Variants in IFT80 observed in about 807,000 individuals in gnomAD.
The protein encoded by IFT80 is intraflagellar transport 80.
IFT80 carries 79 observed loss-of-function variants against 107.9 expected under a neutral mutation model. The observed-to-expected ratio is 0.73, with a 90% CI of 0.61 to 0.88. IFT80 has a LOEUF of 0.88. IFT80 is among the 40% of genes least tolerant of loss of function. The pLI is 0.00. For missense variants in IFT80, 797 were observed against 914.2 expected, an observed-to-expected ratio of 0.87 and a Z score of 1.65; for synonymous variants, 299 against 300.9, an observed-to-expected ratio of 0.99 and a Z score of 0.07.
chr3:160,286,715 T>C (rs567923255), intron 12 of IFT80, among the ~76,000 whole-genome samples: 30 of 152,310 alleles, frequency 2.0e-4, no homozygotes, highest in East Asian at 9.6e-4. Flanking sequence ...GCCCCAACAA[T>C]AGACCATCAT....
At chr3:160,322,000 CTTGTTAT>C (rs1718257321) in intron 8 of IFT80, among the ~76,000 whole-genome samples, 1 of 138,890 alleles carries the variant, frequency 7.2e-6, no homozygotes, top group Non-Finnish European at 1.5e-5. Flanking sequence ...TCATTGTCAG[CTTGTTAT>C]TTATTTATTT....
intron 9 of IFT80, among the ~76,000 whole-genome samples, chr3:160,316,350 T>G (rs1205803405): frequency 1.3e-5 from 2 of 152,136 alleles, no homozygotes; most frequent in Non-Finnish European, 2.9e-5. Flanking sequence ...CAGTTGAGCC[T>G]TCAGATAAAA....
At chr3:160,306,092 T>C (rs895619234) in intron 10 of IFT80, among the ~76,000 whole-genome samples, 1 of 152,156 alleles carries the variant, frequency 6.6e-6, no homozygotes, top group Non-Finnish European at 1.5e-5. Context: ...GTATTAATAT[T>C]TTGTACCTTA....
At chr3:160,367,426 G>T (rs1721942591) in intron 5 of IFT80, among the ~76,000 whole-genome samples, 1 of 152,090 alleles carries the variant, frequency 6.6e-6, no homozygotes. Flanking sequence ...ACAGGCAATA[G>T]AACTTCCCCT....
At position 160,370,063 on chromosome 3, in the gene IFT80, GT is replaced by G. The variant is rs201100308; in HGVS notation, c.440-3912del. ...AAACCACAGAAGAGGAGACAAAAAT[GT>G]ATTTCAATTGTTTTAAGGAAGTACA... is the stretch of plus-strand genomic sequence containing the variant. On this transcript the variant is annotated intron_variant, in intron 5 of 19. Coordinates refer to ENST00000326448, the MANE Select transcript of IFT80 (RefSeq NM_020800.3). Among the ~76,000 whole-genome samples the G allele has an allele frequency of 8.7e-3, 1,327 of 152,158 alleles. 11 individuals are homozygous for G. Among genetic ancestry groups the G allele is most frequent in the Non-Finnish European group, 0.013 (913 of 67,942 alleles).
chr3:160,370,237 C>T (rs890649844), intron 5 of IFT80, among the ~76,000 whole-genome samples: 2 of 152,086 alleles, frequency 1.3e-5, no homozygotes, highest in African/African-American at 2.4e-5. Flanking sequence ...AATGCAGTAT[C>T]GGTCTATATT....
chr3:160,285,165 C>G (rs905940712), intron 13 of IFT80, among the ~76,000 whole-genome samples: 2 of 151,874 alleles, frequency 1.3e-5, no homozygotes, highest in Admixed American at 6.6e-5. Flanking sequence ...ATGGCGAAAC[C>G]CTGTCTCTAC....
chr3:160,296,798 G>A (rs1716017497), intron 12 of IFT80, among the ~76,000 whole-genome samples: 1 of 152,042 alleles, frequency 6.6e-6, no homozygotes. Flanking sequence ...TCTATTTTTA[G>A]TCTTGACCTC....
In IFT80 at chr3:160,277,385, C is replaced by T. The variant is rs1459233110; in HGVS notation, c.2020G>A (p.Glu674Lys). 2 of 1,613,306 alleles carry T rather than the reference C, an allele frequency of 1.2e-6. No homozygotes were observed. Among genetic ancestry groups the T allele is most frequent in the Non-Finnish European group, 1.7e-6 (2 of 1,179,576 alleles). Reference sequence around the variant, plus strand: ...GCCTGAAGAAGTACTATTTCAGCCTCCTGTATGTTCCCACTAAACAGTAGT... The same window carrying T: ...GCCTGAAGAAGTACTATTTCAGCCTTCTGTATGTTCCCACTAAACAGTAGT... ...HILLFSGNIQ[E>K]AEIVLLQAGL... Residue 674 changes from glutamate (E) to lysine (K), a missense_variant, in exon 18 of 20, where the codon GAG becomes AAG. Glu to Lys is a moderately conservative substitution (Grantham distance 56). Transcript: ENST00000326448.
intron 1 of IFT80, among the ~76,000 whole-genome samples, chr3:160,388,471 T>C (rs572066020): frequency 2.6e-5 from 4 of 151,314 alleles, no homozygotes; most frequent in South Asian, 2.1e-4. Flanking sequence ...TAGCAATATA[T>C]ACTAAGGAAA....
At chr3:160,390,882 G>A (rs967217210) in intron 1 of IFT80, among the ~76,000 whole-genome samples, 3 of 152,172 alleles carry the variant, frequency 2.0e-5, no homozygotes, top group South Asian at 4.1e-4. Context: ...GCTCAGACAC[G>A]GGACCAGATT....
intron 1 of IFT80, among the ~76,000 whole-genome samples, chr3:160,390,801 C>G (rs1319897062): frequency 6.6e-6 from 1 of 152,158 alleles, no homozygotes. Flanking sequence ...AACCTACTGG[C>G]CCAATCTGGA....
rs1179158628 is a variant in IFT80, at chr3:160,384,338, A to T, written c.37+226T>A. 3.6e-6 allele frequency: 4 copies of T among 1,118,752 alleles called. No homozygotes were observed. In the African/African-American group the frequency reaches 6.6e-5, roughly 18 times the overall value. The allele number at this position is 1,118,752 out of a possible 1,614,324, so 69.3% of individuals were successfully genotyped here. On this transcript the variant is annotated intron_variant, in intron 2 of 19. Transcript: ENST00000326448. ...TTAAGTATAGTACTTAAGTAGAGTA[A>T]GAAAAACGTCAGTAAGAATTTTAAA...
chr3:160,352,427 T>C (rs1298057134), intron 8 of IFT80, among the ~76,000 whole-genome samples: 1 of 152,212 alleles, frequency 6.6e-6, no homozygotes, highest in Non-Finnish European at 1.5e-5. Context: ...GTTTGCTATT[T>C]CATCTCCAAA....
Position 160,344,039 on chromosome 3 carries a change from G to A in IFT80, c.777+11974C>T, listed in dbSNP as rs77392669. ...ATTTTACCAAACTATCCTTGAGAAA[G>A]GCTGTACCAGTTAATGTTCCCATCA... On this transcript the variant is annotated intron_variant, in intron 8 of 19. Coordinates refer to ENST00000326448, the MANE Select transcript of IFT80 (RefSeq NM_020800.3). Among the ~76,000 whole-genome samples, 680 of 152,236 alleles carry A rather than the reference G, an allele frequency of 4.5e-3. 5 individuals carry two copies. Among genetic ancestry groups the A allele is most frequent in the African/African-American group, 0.016 (656 of 41,556 alleles).
At chr3:160,393,879 A>C (rs1576913546) in intron 1 of IFT80, among the ~76,000 whole-genome samples, 2 of 152,212 alleles carry the variant, frequency 1.3e-5, no homozygotes, top group South Asian at 2.1e-4. Context: ...GATCACAAGC[A>C]TATTTATACC....
At chr3:160,367,313 T>A (rs1187256888) in intron 5 of IFT80, among the ~76,000 whole-genome samples, 1 of 152,068 alleles carries the variant, frequency 6.6e-6, no homozygotes, top group African/African-American at 2.4e-5. Flanking sequence ...GTTATAGCCA[T>A]CAGTATTAAA....
intron 18 of IFT80, among the ~76,000 whole-genome samples, chr3:160,272,433 T>C (rs1713883684): frequency 6.6e-6 from 1 of 152,138 alleles, no homozygotes; most frequent in African/African-American, 2.4e-5. Context: ...GTAGAAATTG[T>C]TCACAAATTG....
chr3:160,372,030 C>T (rs991212097), intron 5 of IFT80, among the ~76,000 whole-genome samples: 2 of 152,126 alleles, frequency 1.3e-5, no homozygotes, highest in Admixed American at 1.3e-4. Flanking sequence ...CAAATCCCCC[C>T]ACCCAAAACT....
Sources: allele counts gnomAD v4.1 joint callset (sites outside exome capture counted in the v4.1 genomes callset), GRCh38; gene constraint gnomAD v4.1.1; transcripts MANE v1.5; gene names NCBI Gene and HGNC (gene_info 2026-07-23, HGNC 2026-07-21).